The following NOC3L variants were observed in gnomAD, a reference collection of about 807,000 sequenced individuals.
NOC3L encodes the protein nucleolar complex protein 3 homolog.
NOC3L carries 85 observed loss-of-function variants against 102.5 expected under a neutral mutation model. The ratio of observed to expected loss-of-function variants is 0.83; its 90% CI spans 0.70 to 0.99. The LOEUF is 0.99. Ranked by LOEUF, NOC3L falls within the 50% of genes least tolerant of loss-of-function variation. The pLI, the probability that NOC3L is intolerant of heterozygous loss-of-function variation, is 0.00. For synonymous variants in NOC3L, 303 were observed against 309.4 expected (o/e 0.98, Z 0.22); for missense variants, 878 against 914.9 (o/e 0.96, Z 0.52).
At chr10:94,319,861 GCTC>G in the NOC3L span, among the ~76,000 whole-genome samples, 7 of 87,570 alleles carry the variant, frequency 8.0e-5, no homozygotes, top group South Asian at 6.6e-4. Flanking sequence ...GCTCAAAGGT[GCTC>G]TTTTTTTTTT....
In NOC3L at chr10:94,357,242, T is replaced by A. The variant is rs1388946691; in HGVS notation, c.440A>T (p.Lys147Met). 9 of 1,610,224 alleles carry A rather than the reference T, an allele frequency of 5.6e-6. No homozygotes were observed. The South Asian group carries it at 1.0e-4, about 18-fold the overall frequency. Residue 147 changes from lysine to methionine, a missense_variant, in exon 4 of 21, where the codon AAG (lysine) becomes ATG (methionine). Lys to Met is a moderately conservative substitution (Grantham distance 95). Transcript: ENST00000371361. ...GATAGGAAGTAAATGAATCAGTTCC[T>A]TCTCTGGTGCAGTTTGCAGAGTTCT... ...IPRTLQTAPE[K>M]ELIHLLPIKD...
chr10:94,339,691 T>A lies in NOC3L; in HGVS notation c.1962+48A>T, dbSNP rs749463795. On this transcript the variant is annotated intron_variant, in intron 17 of 20. Transcript: ENST00000371361. The stretch of plus-strand genomic sequence containing the variant: ...AAAGACATGCCTCAAACAAAAAAAA[T>A]CATTGCATTATAAGAACTTAGCTCT... 4.4e-5 allele frequency: 64 copies of A among 1,470,088 alleles called. No homozygotes were observed. The Admixed American group carries it at 5.1e-4, about 12-fold the overall frequency. The allele number at this position is 1,470,088 out of a possible 1,614,324, so 91.1% of individuals were successfully genotyped here. A position where few individuals can be genotyped will look rare whatever the true frequency, so the allele number is the denominator to read the frequency against.
At chr10:94,345,053 C>A in intron 11 of NOC3L, 120 bp from the exon 12 acceptor site, 1 of 604,892 alleles carries the variant, frequency 1.7e-6, no homozygotes, top group Non-Finnish European at 2.8e-6. Flanking sequence ...TCTATGAATG[C>A]AAATATAAAC....
chr10:94,337,142 A>T (rs1346867690), intron 19 of NOC3L, among the ~76,000 whole-genome samples: 4 of 151,952 alleles, frequency 2.6e-5, no homozygotes, highest in Non-Finnish European at 5.9e-5. Flanking sequence ...TAAACAGTTC[A>T]GGGAAAAGAA....
the NOC3L span, chr10:94,316,747 C>T: frequency 6.2e-7 from 1 of 1,612,704 alleles, no homozygotes; most frequent in Non-Finnish European, 8.5e-7. Flanking sequence ...TCTTAAAAAC[C>T]CAGCAGGAAG....
At chr10:94,343,771 CA>C (rs1176421617) in intron 13 of NOC3L, among the ~76,000 whole-genome samples, 4 of 152,202 alleles carry the variant, frequency 2.6e-5, no homozygotes, top group African/African-American at 9.7e-5. Flanking sequence ...TAAAATACTT[CA>C]GATAAATCAA....
Position 94,334,037 on chromosome 10 carries a change from G to A in NOC3L, c.*140C>T, listed in dbSNP as rs2054188936. ...GGGGCAGAACCCTGTGCCATGCAAA[G>A]GGTCATTCTTCCTCTTCTTCCTAGA... On this transcript the variant is annotated 3_prime_UTR_variant, in exon 21 of 21. Transcript: ENST00000371361. 2 of 566,426 alleles carry A rather than the reference G, an allele frequency of 3.5e-6. No homozygotes were observed. The highest frequency in any genetic ancestry group is 2.7e-5 in the South Asian group (1 of 37,402). The allele number at this position is 566,426 out of a possible 1,614,324, so 35.1% of individuals were successfully genotyped here.
chr10:94,334,677 A>C lies in NOC3L; in HGVS notation c.2231T>G (p.Met744Arg). 1 of 1,613,318 alleles carries C rather than the reference A, an allele frequency of 6.2e-7. No homozygotes were observed. Among genetic ancestry groups the C allele is most frequent in the Non-Finnish European group, 8.5e-7 (1 of 1,179,776 alleles). ...AGATTCAACAGGAGGATTGAATGTC[A>C]TTTCTGCCATGCTATATGCCTCAAA... is the stretch of plus-strand genomic sequence containing the variant. Reference protein sequence around the residue: ...ELFEAYSMAEMTFNPPVESSN... With the variant: ...ELFEAYSMAERTFNPPVESSN... Residue 744 changes from methionine (M) to arginine (R), a missense_variant, in exon 20 of 21, where the codon ATG (methionine) becomes AGG (arginine). Coordinates refer to ENST00000371361, the MANE Select transcript of NOC3L (RefSeq NM_022451.11).
the NOC3L span, among the ~76,000 whole-genome samples, chr10:94,317,412 C>T: frequency 6.6e-6 from 1 of 152,172 alleles, no homozygotes; most frequent in African/African-American, 2.4e-5. Flanking sequence ...GAAAAGACAT[C>T]GTTGTGAGGG....
the NOC3L span, chr10:94,316,534 A>C: frequency 6.3e-7 from 1 of 1,584,536 alleles, no homozygotes; most frequent in Non-Finnish European, 8.7e-7. Flanking sequence ...GTTTGCCTTC[A>C]CTTTTTCTTT....
At chr10:94,353,280 C>T (rs2054444153) in intron 6 of NOC3L, among the ~76,000 whole-genome samples, 1 of 152,174 alleles carries the variant, frequency 6.6e-6, no homozygotes, top group African/African-American at 2.4e-5. Context: ...GAAAGAAATG[C>T]CTGAGGCTGG....
At chr10:94,340,910 G>A (rs2133987987) in intron 14 of NOC3L, among the ~76,000 whole-genome samples, 1 of 151,672 alleles carries the variant, frequency 6.6e-6, no homozygotes, top group Middle Eastern at 3.4e-3. Context: ...GAACCCGGGA[G>A]GCGGAGCTTG....
downstream of NOC3L, chr10:94,330,999 A>G (rs1213390247): frequency 1.3e-5 from 2 of 152,204 alleles, no homozygotes; most frequent in African/African-American, 2.4e-5. Flanking sequence ...AGTGAAGAGA[A>G]AGGAGCATGA....
chr10:94,316,686 T>A, the NOC3L span: 1 of 1,614,034 alleles, frequency 6.2e-7, no homozygotes, highest in Admixed American at 1.7e-5. Context: ...GAGGAGATCA[T>A]GCAAATTTTA....
chr10:94,331,970 C>G (rs1184434137), downstream of NOC3L: 10 of 150,830 alleles, frequency 6.6e-5, no homozygotes, highest in African/African-American at 2.2e-4. Flanking sequence ...CTCCCAGGTT[C>G]AAGTGATTCT....
At chr10:94,326,934 G>A in the NOC3L span, among the ~76,000 whole-genome samples, 1 of 152,086 alleles carries the variant, frequency 6.6e-6, no homozygotes, top group Non-Finnish European at 1.5e-5. Context: ...GCCAAGGCGG[G>A]CAGATCACGA....
chr10:94,355,062 G>A lies in NOC3L; in HGVS notation c.597C>T (p.Thr199=), dbSNP rs2054467434. 6.2e-7 allele frequency: 1 copy of A among 1,611,778 alleles called. No individual in the cohort carries two copies. Among genetic ancestry groups the A allele is most frequent in the African/African-American group, 1.3e-5 (1 of 74,826 alleles). The change falls in exon 6 of 21, where the codon ACC becomes ACT. Residue 199 remains threonine, a synonymous_variant. Transcript: ENST00000371361. ...TTCTCTCAATCAAATGTTCTTCTAT[G>A]GTCAGCTCTTGAATAGGATCTTCAA... ...EIIEDPIQEL[T]IEEHLIERKK...
At chr10:94,318,894 A>C in the NOC3L span, among the ~76,000 whole-genome samples, 1 of 152,168 alleles carries the variant, frequency 6.6e-6, no homozygotes, top group Admixed American at 6.5e-5. Flanking sequence ...CTAAAAATAC[A>C]AAAATTAGCA....
chr10:94,340,086 T>C (rs1467001424), intron 16 of NOC3L, among the ~76,000 whole-genome samples, 166 bp from the exon 17 acceptor site: 1 of 152,218 alleles, frequency 6.6e-6, no homozygotes, highest in East Asian at 1.9e-4. Context: ...GGGCTATACT[T>C]ACTGCATCTC....
Sources: allele counts gnomAD v4.1 joint callset (sites outside exome capture counted in the v4.1 genomes callset), GRCh38; gene constraint gnomAD v4.1.1; transcripts MANE v1.5; gene names NCBI Gene and HGNC (gene_info 2026-07-23, HGNC 2026-07-21).